The following MSI2 variants were observed in gnomAD, a reference collection of about 807,000 sequenced individuals.
MSI2 encodes the protein musashi RNA binding protein 2.
A neutral mutation model predicts 45.6 loss-of-function variants in MSI2; 17 were observed. That is an observed-to-expected ratio of 0.37 (90% CI 0.26 to 0.56). The LOEUF (loss-of-function observed/expected upper bound fraction) is 0.56. Ranked by LOEUF, MSI2 falls within the 20% of genes least tolerant of loss-of-function variation. The pLI is 0.77. For missense variants in MSI2, 293 were observed against 444.2 expected, an observed-to-expected ratio of 0.66 and a Z score of 3.06; for synonymous variants, 156 against 158.2, an observed-to-expected ratio of 0.99 and a Z score of 0.11.
intron 6 of MSI2, among the ~76,000 whole-genome samples, chr17:57,489,809 G>T (rs769367271): frequency 5.3e-5 from 8 of 152,194 alleles, no homozygotes; most frequent in Non-Finnish European, 1.0e-4. Flanking sequence ...AACAGGACTT[G>T]GGGAGAAAGA....
At chr17:57,472,590 T>G (rs1266150404) in intron 6 of MSI2, among the ~76,000 whole-genome samples, 1 of 152,252 alleles carries the variant, frequency 6.6e-6, no homozygotes, top group East Asian at 1.9e-4. Flanking sequence ...TGCTGCCAAC[T>G]GGCCTCATGA....
intron 9 of MSI2, among the ~76,000 whole-genome samples, chr17:57,622,560 A>G (rs1181566567): frequency 6.6e-6 from 1 of 152,194 alleles, no homozygotes; most frequent in Non-Finnish European, 1.5e-5. Context: ...AAAGCACGTT[A>G]GCCAAAAGCA....
Position 57,483,898 on chromosome 17 carries a change from G to A in MSI2, c.406-45778G>A, listed in dbSNP as rs1348018257. Among the ~76,000 whole-genome samples the A allele has an allele frequency of 2.0e-5, 3 of 152,226 alleles. No individual in the cohort carries two copies. In the East Asian group the frequency reaches 5.8e-4, roughly 29 times the overall value. ...GCCTTAGGGTCTCCCTCTAGCACAC[G>A]CTGTTGGCAGAGCCTACCAGGGAGC... On this transcript the variant is annotated intron_variant, in intron 6 of 13. Transcript: ENST00000284073.
At chr17:57,660,917 C>T (rs911717185) in intron 11 of MSI2, among the ~76,000 whole-genome samples, 6 of 152,092 alleles carry the variant, frequency 3.9e-5, no homozygotes, top group African/African-American at 1.4e-4. Context: ...ATGGGCAGGG[C>T]CTGTGAGATC....
At chr17:57,489,435 C>T (rs900134140) in intron 6 of MSI2, among the ~76,000 whole-genome samples, 1 of 152,180 alleles carries the variant, frequency 6.6e-6, no homozygotes, top group African/African-American at 2.4e-5. Flanking sequence ...AAGAGAAGAG[C>T]AGGTCTGCAG....
intron 5 of MSI2, among the ~76,000 whole-genome samples, chr17:57,270,615 T>C (rs1908269650): frequency 1.3e-5 from 2 of 152,222 alleles, no homozygotes; most frequent in South Asian, 4.1e-4. Flanking sequence ...CTTAGTGGTT[T>C]TGCACCTCCA....
intron 6 of MSI2, among the ~76,000 whole-genome samples, chr17:57,455,359 T>TG (rs561773344): frequency 1.5e-4 from 23 of 152,076 alleles, no homozygotes; most frequent in Non-Finnish European, 2.9e-4. Flanking sequence ...AGACTTGAAA[T>TG]GGGGGGTTTG....
chr17:57,401,355 C>A (rs1187194331), intron 5 of MSI2, 24 bp from the exon 6 acceptor site: 1 of 1,597,026 alleles, frequency 6.3e-7, no homozygotes, highest in African/African-American at 1.3e-5. Flanking sequence ...TTAACCCATG[C>A]CTTTCTCTTG....
At chr17:57,283,800 G>A (rs1210269405) in intron 5 of MSI2, among the ~76,000 whole-genome samples, 6 of 152,236 alleles carry the variant, frequency 3.9e-5, no homozygotes, top group Non-Finnish European at 7.3e-5. Flanking sequence ...TCCCGGAAGC[G>A]TGGTTCAGGT....
At chr17:57,326,747 A>G (rs753300576) in intron 5 of MSI2, among the ~76,000 whole-genome samples, 1 of 152,194 alleles carries the variant, frequency 6.6e-6, no homozygotes, top group Non-Finnish European at 1.5e-5. Flanking sequence ...TGTTTGATAG[A>G]TGGGAAAACC....
the MSI2 span, among the ~76,000 whole-genome samples, chr17:57,700,846 G>A: frequency 6.6e-6 from 1 of 151,686 alleles, no homozygotes; most frequent in African/African-American, 2.4e-5. Context: ...GGGTTGCAGT[G>A]AGCCGAGATC....
chr17:57,360,365 C>T (rs1018304202), intron 5 of MSI2, among the ~76,000 whole-genome samples: 1 of 152,266 alleles, frequency 6.6e-6, no homozygotes, highest in South Asian at 2.1e-4. Context: ...TTCCTAACTT[C>T]TCCGAGCCTC....
At chr17:57,585,614 G>A (rs192671753) in intron 7 of MSI2, among the ~76,000 whole-genome samples, 2 of 152,330 alleles carry the variant, frequency 1.3e-5, no homozygotes, top group East Asian at 1.9e-4. Flanking sequence ...TGTGTTGCTC[G>A]CTGCATGGAT....
intron 5 of MSI2, among the ~76,000 whole-genome samples, chr17:57,332,224 C>G (rs542210761): frequency 2.0e-4 from 30 of 152,118 alleles, no homozygotes; most frequent in Non-Finnish European, 3.4e-4. Context: ...CCTCAGCCTC[C>G]CTAGGAGCTG....
intron 10 of MSI2, among the ~76,000 whole-genome samples, chr17:57,640,054 G>A (rs1431605737): frequency 6.6e-6 from 1 of 152,180 alleles, no homozygotes; most frequent in East Asian, 1.9e-4. Context: ...AAGGACCCAG[G>A]AAGGCTCCTC....
intron 13 of MSI2, 44 bp downstream of exon 13, chr17:57,677,103 C>T (rs1913285653): frequency 1.4e-5 from 19 of 1,358,792 alleles, no homozygotes; most frequent in East Asian, 4.6e-5. Context: ...CCGGTGTGTC[C>T]GTACATGTAT....
chr17:57,678,556 G>T (rs1913395750), intron 13 of MSI2, among the ~76,000 whole-genome samples: 1 of 152,196 alleles, frequency 6.6e-6, no homozygotes, highest in Non-Finnish European at 1.5e-5. Flanking sequence ...TGAAAGGCCA[G>T]ACACTGGGGC....
chr17:57,460,908 C>T (rs1035683782), intron 6 of MSI2, among the ~76,000 whole-genome samples: 3 of 152,090 alleles, frequency 2.0e-5, no homozygotes, highest in African/African-American at 7.2e-5. Context: ...AAAGGAGAGA[C>T]GTGAGGCAGG....
intron 10 of MSI2, among the ~76,000 whole-genome samples, chr17:57,647,786 C>T (rs1447574221): frequency 1.3e-5 from 2 of 150,692 alleles, no homozygotes; most frequent in African/African-American, 2.4e-5. Flanking sequence ...CTGGAACAGA[C>T]ATGCGCCACC....
Sources: allele counts gnomAD v4.1 joint callset (sites outside exome capture counted in the v4.1 genomes callset), GRCh38; gene constraint gnomAD v4.1.1; transcripts MANE v1.5; gene names NCBI Gene and HGNC (gene_info 2026-07-23, HGNC 2026-07-21).